The following BIRC3 variants were observed in gnomAD, a reference collection of about 807,000 sequenced individuals.
BIRC3 encodes the protein baculoviral IAP repeat containing 3.
Under a neutral mutation model 59.0 loss-of-function variants are expected in BIRC3, and 26 were observed. That is an observed-to-expected ratio of 0.44 (90% confidence interval 0.32 to 0.61). BIRC3 has a LOEUF of 0.61. Among genes scored for constraint, BIRC3 ranks in the 20% least tolerant of loss-of-function variants. The pLI, the probability that BIRC3 is intolerant of heterozygous loss-of-function variation, is 0.04. For synonymous variants in BIRC3, 243 were observed against 249.2 expected, an observed-to-expected ratio of 0.98 and a Z score of 0.24; for missense variants, 641 against 711.5, an observed-to-expected ratio of 0.90 and a Z score of 1.13.
intron 4 of BIRC3, 35 bp from the exon 5 acceptor site, chr11:102,328,861 TA>T (rs765573354): frequency 1.1e-4 from 63 of 577,974 alleles, no homozygotes; most frequent in Middle Eastern, 6.9e-4. Context: ...TTTTAATTTA[TA>T]TATATATATA....
intron 1 of BIRC3, chr11:102,320,447 T>C (rs1349605709): frequency 6.6e-6 from 1 of 152,070 alleles, no homozygotes; most frequent in African/African-American, 2.4e-5. Context: ...TTTGTAGAGA[T>C]GGTGTTTTGC....
chr11:102,325,186 T>C lies in BIRC3; in HGVS notation c.677T>C (p.Leu226Pro). 2.5e-6 allele frequency: 4 copies of C among 1,614,036 alleles called. No individual in the cohort carries two copies. The highest frequency in any genetic ancestry group is 2.2e-5 in the South Asian group (2 of 91,052). ...EPKDNAMSEH[L>P]RHFPKCPFIE... ...AAGGATAATGCTATGTCAGAACACC[T>C]GAGACATTTTCCCAAATGCCCATTT... is the stretch of plus-strand genomic sequence containing the variant. Residue 226 changes from leucine (L) to proline (P), a missense_variant, in exon 2 of 9, where the codon CTG becomes CCG. Coordinates refer to ENST00000263464, the MANE Select transcript of BIRC3 (RefSeq NM_001165.5).
At chr11:102,326,871 G>T in intron 3 of BIRC3, 1 of 423,582 alleles carries the variant, frequency 2.4e-6, no homozygotes, top group Admixed American at 2.7e-5. Flanking sequence ...AGCATGCCCA[G>T]CTAATTTTTG....
chr11:102,317,962 A>G (rs2135779037), intron 1 of BIRC3, among the ~76,000 whole-genome samples: 2 of 152,294 alleles, frequency 1.3e-5, no homozygotes, highest in East Asian at 1.9e-4. Flanking sequence ...TAATGAGCAA[A>G]TGGACGCATG....
rs1565325892 is a variant in BIRC3, at chr11:102,336,908, G to C, written c.1622-1G>C. 8.1e-6 allele frequency: 13 copies of C among 1,596,444 alleles called. No individual in the cohort carries two copies. The East Asian group carries it at 2.7e-4, about 33-fold the overall frequency. ...TATTAAAAATTCTTTCCTCTTTCTA[G>C]ATCTACCAGTGGAAGAACAATTGCG... On this transcript the variant is annotated splice_acceptor_variant, in intron 8 of 8. Transcript: ENST00000263464. LOFTEE classifies it high-confidence loss of function.
intron 6 of BIRC3, among the ~76,000 whole-genome samples, chr11:102,335,324 G>A (rs967102141): frequency 1.3e-5 from 2 of 152,154 alleles, no homozygotes; most frequent in Non-Finnish European, 2.9e-5. Context: ...TCTTGATTTT[G>A]TCTTTCCCCA....
chr11:102,318,172 GT>G (rs1950992863), intron 1 of BIRC3, among the ~76,000 whole-genome samples: 1 of 152,174 alleles, frequency 6.6e-6, no homozygotes, highest in South Asian at 2.1e-4. Context: ...TATGTGCTAG[GT>G]TTGTCTCTGA....
intron 1 of BIRC3, among the ~76,000 whole-genome samples, chr11:102,319,725 G>A (rs1274911580): frequency 6.6e-6 from 1 of 152,218 alleles, no homozygotes; most frequent in African/African-American, 2.4e-5. Context: ...GGGCTAGGGA[G>A]CTGAGCCTAT....
chr11:102,326,828 C>G, intron 3 of BIRC3: 1 of 453,256 alleles, frequency 2.2e-6, no homozygotes, highest in South Asian at 1.6e-5. Context: ...ATGCCTCGAG[C>G]CTCGCTAGTA....
rs746604256 is a variant in BIRC3 at position 102,337,255 on chromosome 11, C to A, written c.*153C>A. ...TAACATATTTATATATGTATCTAAACCATATGAACATATATTTTTTAGAAA... is the reference window on the plus strand; with the variant it reads ...TAACATATTTATATATGTATCTAAAACATATGAACATATATTTTTTAGAAA... On this transcript the variant is annotated 3_prime_UTR_variant, in exon 9 of 9. Transcript: ENST00000263464. The A allele has an allele frequency of 8.1e-5, 40 of 494,214 alleles. No individual in the cohort carries two copies. Among genetic ancestry groups the A allele is most frequent in the Non-Finnish European group, 1.1e-4 (35 of 308,856 alleles). 30.6% of individuals were successfully genotyped at this position (494,214 alleles called of 1,614,324 possible). A position where few individuals can be genotyped will look rare whatever the true frequency, so the allele number is the denominator to read the frequency against.
In BIRC3 at chr11:102,324,745, G is replaced by A. The variant is rs1951063947; in HGVS notation, c.236G>A (p.Gly79Glu). 2 of 1,614,192 alleles carry A rather than the reference G, an allele frequency of 1.2e-6. No homozygotes were observed. Among genetic ancestry groups the A allele is most frequent in the Middle Eastern group, 1.6e-4 (1 of 6,062 alleles). ...CGLMLDNWKR[G>E]DSPTEKHKKL... The stretch of plus-strand genomic sequence containing the variant: ...CTGATGCTGGATAACTGGAAAAGAG[G>A]AGACAGTCCTACTGAAAAGCATAAA... Residue 79 changes from glycine (G) to glutamate (E), a missense_variant, in exon 2 of 9, where the codon GGA becomes GAA. Gly to Glu is a moderately conservative substitution (Grantham distance 98, BLOSUM62 -2). Transcript: ENST00000263464.
At chr11:102,329,836 A>G (rs967822051) in intron 5 of BIRC3, among the ~76,000 whole-genome samples, 12 of 152,180 alleles carry the variant, frequency 7.9e-5, no homozygotes, top group Non-Finnish European at 1.8e-4. Context: ...ACCTAATGTT[A>G]AATGACGAGT....
At chr11:102,336,680 G>A (rs1054787756) in intron 7 of BIRC3, 80 bp from the exon 8 acceptor site, 4 of 1,339,984 alleles carry the variant, frequency 3.0e-6, no homozygotes, top group Non-Finnish European at 3.2e-6. Context: ...ATAGTCTAAA[G>A]TGTTCATTTT....
intron 7 of BIRC3, 173 bp from the exon 8 acceptor site, chr11:102,336,587 C>CAA: frequency 1.5e-6 from 1 of 661,844 alleles, no homozygotes; most frequent in Non-Finnish European, 2.5e-6. Flanking sequence ...GACTCTGTCT[C>CAA]AAAAAAAAAT....
rs1019190191 is a variant in BIRC3, at chr11:102,321,948, C to T, written c.-2562C>T. ...TCCTTAAAGGGACTTAGTCTAATCT[C>T]GGGAGGTAGTTTTGTGCATGGGTAA... On this transcript the variant is annotated 5_prime_UTR_variant, in exon 2 of 9. Transcript: ENST00000263464. 1.6e-5 allele frequency: 3 copies of T among 189,602 alleles called. No individual in the cohort carries two copies. The highest frequency in any genetic ancestry group is 8.3e-5 in the East Asian group (1 of 11,978). 11.7% of individuals were successfully genotyped at this position (189,602 alleles called of 1,614,324 possible). A position where few individuals can be genotyped will look rare whatever the true frequency, so the allele number is the denominator to read the frequency against.
intron 6 of BIRC3, among the ~76,000 whole-genome samples, chr11:102,333,715 C>T (rs17878915): frequency 6.6e-6 from 1 of 152,040 alleles, no homozygotes; most frequent in Admixed American, 6.6e-5. Context: ...CGCTGCACTC[C>T]AGCCTGGGTG....
At position 102,324,485 on chromosome 11, in the gene BIRC3, C is replaced by T; in HGVS notation, c.-25C>T. On this transcript the variant is annotated 5_prime_UTR_variant, in exon 2 of 9. Coordinates refer to ENST00000263464, the MANE Select transcript of BIRC3 (RefSeq NM_001165.5). ...CTACCTCCCTAGAGAAAGGCTAGTC[C>T]CTTTTCTTCCCCATTCATTTCATTA... 1 of 1,577,712 alleles carries T rather than the reference C, an allele frequency of 6.3e-7. No individual in the cohort carries two copies. Among genetic ancestry groups the T allele is most frequent in the Non-Finnish European group, 8.6e-7 (1 of 1,161,858 alleles).
intron 4 of BIRC3, 86 bp from the exon 5 acceptor site, chr11:102,328,811 T>C: frequency 2.1e-6 from 1 of 471,960 alleles, no homozygotes; most frequent in Non-Finnish European, 3.1e-6. Flanking sequence ...AATATGTCTG[T>C]TGGGTCATTT....
chr11:102,331,317 T>A, intron 6 of BIRC3, 76 bp downstream of exon 6: 1 of 1,361,748 alleles, frequency 7.3e-7, no homozygotes, highest in Non-Finnish European at 9.6e-7. Flanking sequence ...AATATACTCA[T>A]CTAGCATATC....
Sources: allele counts gnomAD v4.1 joint callset (sites outside exome capture counted in the v4.1 genomes callset), GRCh38; gene constraint gnomAD v4.1.1; transcripts MANE v1.5; gene names NCBI Gene and HGNC (gene_info 2026-07-23, HGNC 2026-07-21).